Variants in HHLA2 observed in about 807,000 individuals in gnomAD.
HHLA2 encodes HERV-H LTR-associating protein 2.
A neutral mutation model predicts 45.9 loss-of-function variants in HHLA2; 48 were observed. That is an observed-to-expected ratio of 1.05 (90% CI 0.83 to 1.33). The LOEUF (loss-of-function observed/expected upper bound fraction) is 1.33, where lower values mean the gene tolerates loss of function less well. Among genes scored for constraint, HHLA2 ranks in the 40% most tolerant of loss-of-function variants. The probability of loss-of-function intolerance (pLI) is 0.00; values close to 1 mark genes in which losing one functional copy is unlikely to be tolerated. For synonymous variants in HHLA2, 161 were observed against 173.9 expected (o/e 0.93, Z 0.59); for missense variants, 462 against 494.3 (o/e 0.93, Z 0.62).
chr3:108,335,129 G>A (rs981518953), intron 3 of HHLA2, among the ~76,000 whole-genome samples: 1 of 152,192 alleles, frequency 6.6e-6, no homozygotes, highest in East Asian at 1.9e-4. Context: ...ATGTATCTGA[G>A]TGAGTCAGTA....
intron 2 of HHLA2, among the ~76,000 whole-genome samples, chr3:108,320,027 AT>A (rs1210903889): frequency 1.3e-5 from 2 of 152,240 alleles, no homozygotes; most frequent in Non-Finnish European, 2.9e-5. Context: ...ATAATGGTCA[AT>A]TGCATGAATA....
At chr3:108,364,450 A>G (rs2082030541) in intron 8 of HHLA2, among the ~76,000 whole-genome samples, 2 of 152,222 alleles carry the variant, frequency 1.3e-5, no homozygotes, top group African/African-American at 4.8e-5. Context: ...GCTGCAATAA[A>G]CATACATGTG....
chr3:108,298,416 C>T (rs527636219), intron 1 of HHLA2, among the ~76,000 whole-genome samples: 1 of 152,198 alleles, frequency 6.6e-6, no homozygotes, highest in Non-Finnish European at 1.5e-5. Flanking sequence ...ACACACCTTT[C>T]CTTGGTATTC....
At chr3:108,298,945 G>A (rs2080806342) in intron 1 of HHLA2, among the ~76,000 whole-genome samples, 1 of 152,190 alleles carries the variant, frequency 6.6e-6, no homozygotes, top group Admixed American at 6.5e-5. Flanking sequence ...CAGGTGGGAT[G>A]TCTTCTCCAT....
rs770873611 is a variant in HHLA2 at position 108,353,477 on chromosome 3, G to A, written c.115G>A (p.Val39Ile). 3.6e-5 allele frequency: 57 copies of A among 1,602,986 alleles called. No homozygotes were observed. The Admixed American group carries it at 5.3e-4, about 15-fold the overall frequency. The stretch of plus-strand genomic sequence containing the variant: ...TTATGTTCCTATGAATGAACAAATC[G>A]TCATTGGAAGACTTGATGAAGATAT... Residue 39 changes from valine to isoleucine, a missense_variant, in exon 5 of 11, where the codon GTC (valine) becomes ATC (isoleucine). By Grantham distance (29) the Val-to-Ile change is conservative. Coordinates refer to ENST00000619531, the Ensembl canonical transcript of HHLA2.
chr3:108,332,904 T>C (rs1237410142), intron 3 of HHLA2, among the ~76,000 whole-genome samples: 2 of 152,162 alleles, frequency 1.3e-5, no homozygotes, highest in Non-Finnish European at 2.9e-5. Context: ...TTATTCTGGG[T>C]TCCTTTCTGT....
chr3:108,334,208 G>A (rs1042094000), intron 3 of HHLA2, among the ~76,000 whole-genome samples: 1 of 152,180 alleles, frequency 6.6e-6, no homozygotes, highest in African/African-American at 2.4e-5. Flanking sequence ...TCAGGAAATG[G>A]TCAGAGAAGC....
exon 6 of HHLA2, chr3:108,355,260 G>T: frequency 1.9e-6 from 3 of 1,613,874 alleles, no homozygotes; most frequent in Non-Finnish European, 2.5e-6. Context: ...AAGAAACAGG[G>T]TCTTTGGATT....
intron 3 of HHLA2, among the ~76,000 whole-genome samples, chr3:108,334,816 G>A (rs1273283952): frequency 2.0e-5 from 3 of 152,188 alleles, no homozygotes; most frequent in African/African-American, 7.2e-5. Context: ...TCCCAGGGGT[G>A]AGGTCACCTT....
At chr3:108,317,767 G>T (rs1159090933) in intron 2 of HHLA2, among the ~76,000 whole-genome samples, 1 of 151,920 alleles carries the variant, frequency 6.6e-6, no homozygotes, top group Non-Finnish European at 1.5e-5. Context: ...TAGAGACAAG[G>T]TTTCACCATG....
At chr3:108,338,959 T>G (rs2081519917) in intron 3 of HHLA2, among the ~76,000 whole-genome samples, 1 of 152,200 alleles carries the variant, frequency 6.6e-6, no homozygotes. Flanking sequence ...GAGACTAAGA[T>G]GGCAATGGTA....
At chr3:108,301,698 A>C (rs1427352221) in intron 1 of HHLA2, among the ~76,000 whole-genome samples, 2 of 151,998 alleles carry the variant, frequency 1.3e-5, no homozygotes, top group Non-Finnish European at 2.9e-5. Flanking sequence ...AAATTCTTGT[A>C]ATCTTTTCTC....
chr3:108,358,774 C>T (rs1207926262), intron 7 of HHLA2, among the ~76,000 whole-genome samples: 1 of 152,218 alleles, frequency 6.6e-6, no homozygotes, highest in East Asian at 1.9e-4. Context: ...CTTAAACTAT[C>T]AACTTCACAT....
chr3:108,313,586 G>A (rs1426678696), intron 2 of HHLA2, among the ~76,000 whole-genome samples: 1 of 152,146 alleles, frequency 6.6e-6, no homozygotes, highest in Non-Finnish European at 1.5e-5. Context: ...GGGCAGTGGT[G>A]CAGCACCAAG....
chr3:108,312,135 A>G (rs1230937012), intron 2 of HHLA2, among the ~76,000 whole-genome samples: 1 of 147,994 alleles, frequency 6.8e-6, no homozygotes, highest in Non-Finnish European at 1.5e-5. Flanking sequence ...TCTCTTCTGC[A>G]TCCTCTTAGT....
At chr3:108,322,609 G>C (rs1003955762) in intron 2 of HHLA2, among the ~76,000 whole-genome samples, 2 of 152,106 alleles carry the variant, frequency 1.3e-5, no homozygotes, top group East Asian at 3.9e-4. Flanking sequence ...TCATCCAACC[G>C]CCTATCTATG....
intron 1 of HHLA2, among the ~76,000 whole-genome samples, chr3:108,304,458 C>A (rs548864505): frequency 1.8e-4 from 28 of 152,242 alleles, no homozygotes; most frequent in African/African-American, 6.0e-4. Context: ...CAGTCTCTGC[C>A]ACCGTCTGTG....
intron 9 of HHLA2, 91 bp downstream of exon 8, chr3:108,375,891 A>T (rs2082267449): frequency 6.7e-7 from 1 of 1,485,648 alleles, no homozygotes; most frequent in South Asian, 1.3e-5. Flanking sequence ...AGTATTGGCC[A>T]CTTTAAAAAA....
At chr3:108,350,504 A>T (rs943726445) in intron 3 of HHLA2, among the ~76,000 whole-genome samples, 33 of 152,236 alleles carry the variant, frequency 2.2e-4, no homozygotes, top group African/African-American at 6.0e-4. Flanking sequence ...TTACTTTTTT[A>T]AAAAAATTGT....
Sources: gnomAD v4.1 joint callset for allele counts (sites outside exome capture counted in the v4.1 genomes callset) on GRCh38, gnomAD v4.1.1 for gene constraint, MANE v1.5 for transcripts, NCBI Gene and HGNC (gene_info 2026-07-23, HGNC 2026-07-21) for gene names.